LRP1B: variants seen among roughly 807,000 people sequenced by gnomAD.
LRP1B encodes LDL receptor related protein 1B.
LRP1B carries 217 observed loss-of-function variants against 556.6 expected under a neutral mutation model. The observed-to-expected ratio is 0.39, with a 90% confidence interval of 0.35 to 0.44. The LOEUF (loss-of-function observed/expected upper bound fraction) is 0.44, where lower values mean the gene tolerates loss of function less well. Among genes scored for constraint, LRP1B ranks in the 20% least tolerant of loss-of-function variants. LRP1B has a pLI of 1.00. For missense variants in LRP1B, 5,053 were observed against 5,620.8 expected (o/e 0.90, Z 3.23); for synonymous variants, 2,047 against 1,865.8 (o/e 1.10, Z -2.50).
rs536731910 is a variant in LRP1B at position 140,668,735 on chromosome 2, A to G, written c.6799+31515T>C. Among the ~76,000 whole-genome samples, 5 of 152,204 alleles carry G rather than the reference A, an allele frequency of 3.3e-5. No homozygotes were observed. In the East Asian group the frequency reaches 9.7e-4, roughly 29 times the overall value. Reference sequence around the variant, plus strand: ...GCTGTAAAATATTTATCAAGCCACTAGATGTTTTAGAAATAAAGTTCAAGT... The same window carrying G: ...GCTGTAAAATATTTATCAAGCCACTGGATGTTTTAGAAATAAAGTTCAAGT... On this transcript the variant is annotated intron_variant, in intron 41 of 90. Coordinates refer to ENST00000389484, the MANE Select transcript of LRP1B (RefSeq NM_018557.3).
intron 2 of LRP1B, among the ~76,000 whole-genome samples, chr2:141,774,048 C>A (rs1311641302): frequency 4.6e-5 from 7 of 152,198 alleles, no homozygotes; most frequent in Non-Finnish European, 1.0e-4. Context: ...TTTTATCATG[C>A]ATCTCTTTTT....
intron 2 of LRP1B, among the ~76,000 whole-genome samples, chr2:141,552,963 G>T (rs955394965): frequency 6.6e-6 from 1 of 151,932 alleles, no homozygotes; most frequent in Non-Finnish European, 1.5e-5. Flanking sequence ...ACCAGAGTAA[G>T]TTAAGTATGT....
chr2:140,401,381 TCCTGCTG>T (rs962368963), intron 66 of LRP1B, among the ~76,000 whole-genome samples: 2 of 152,160 alleles, frequency 1.3e-5, no homozygotes, highest in African/African-American at 4.8e-5. Flanking sequence ...GGGTGAGGCT[TCCTGCTG>T]CCTGCTATTC....
intron 1 of LRP1B, among the ~76,000 whole-genome samples, chr2:142,052,903 T>A (rs17824199): frequency 2.0e-5 from 3 of 152,066 alleles, no homozygotes; most frequent in Non-Finnish European, 4.4e-5. Flanking sequence ...TATAAACACA[T>A]AAGTAATTAT....
At position 140,700,592 on chromosome 2, in the gene LRP1B, C is replaced by T. The variant is rs945571103; in HGVS notation, c.6457G>A (p.Gly2153Ser). The T allele has an allele frequency of 1.9e-6, 3 of 1,613,502 alleles. No homozygotes were observed. Among genetic ancestry groups the T allele is most frequent in the South Asian group, 1.1e-5 (1 of 91,076 alleles). The change falls in exon 41 of 91, where the codon GGC becomes AGC. Residue 2153 changes from glycine (G) to serine (S), a missense_variant. Physicochemically the swap from Gly to Ser is moderately conservative, Grantham distance 56. This residue lies in a region of LRP1B where 3,619 missense variants were observed against 3,931.9 expected (regional missense o/e 0.92). Transcript: ENST00000389484. Reference sequence around the variant, plus strand: ...CGATAAAGACAGAGTTGCTTACAGCCACCATTGTCCCTGGCACAAACATTG... The same window carrying T: ...CGATAAAGACAGAGTTGCTTACAGCTACCATTGTCCCTGGCACAAACATTG... ...GTNVCARDNGGCKQLCLYRGN... is the reference protein window; with the variant it reads ...GTNVCARDNGSCKQLCLYRGN...
At chr2:141,404,165 G>C (rs1690543886) in intron 3 of LRP1B, among the ~76,000 whole-genome samples, 1 of 152,088 alleles carries the variant, frequency 6.6e-6, no homozygotes, top group Non-Finnish European at 1.5e-5. Context: ...ACATATAGAT[G>C]ATTCATTATT....
At chr2:140,445,815 A>T (rs1686633371) in intron 63 of LRP1B, among the ~76,000 whole-genome samples, 2 of 152,144 alleles carry the variant, frequency 1.3e-5, no homozygotes, top group African/African-American at 4.8e-5. Context: ...CAGACTCTGA[A>T]TTAAATCTAC....
At chr2:141,269,225 T>C (rs1158520960) in intron 3 of LRP1B, among the ~76,000 whole-genome samples, 1 of 152,106 alleles carries the variant, frequency 6.6e-6, no homozygotes, top group Non-Finnish European at 1.5e-5. Flanking sequence ...ACAAAGATGG[T>C]AGCTTCACAG....
rs114054028 is a variant in LRP1B at position 140,400,289 on chromosome 2, G to A, written c.10415-14280C>T. Among the ~76,000 whole-genome samples the A allele has an allele frequency of 2.5e-3, 376 of 152,206 alleles. 1 individual carries two copies. Among genetic ancestry groups the A allele is most frequent in the African/African-American group, 8.5e-3 (355 of 41,540 alleles). ...TCTTCCAGAGCAGCCCTAAACCAAC[G>A]ACTGACAGTAGCTGATGAATACGTA... On this transcript the variant is annotated intron_variant, in intron 66 of 90. Coordinates refer to ENST00000389484, the MANE Select transcript of LRP1B (RefSeq NM_018557.3).
chr2:141,323,516 A>G (rs1349275107), intron 3 of LRP1B, among the ~76,000 whole-genome samples: 3 of 152,048 alleles, frequency 2.0e-5, no homozygotes, highest in African/African-American at 7.2e-5. Flanking sequence ...TTTCATTTAA[A>G]TGCTCCCTAA....
At chr2:141,184,994 C>A (rs1574166330) in intron 7 of LRP1B, among the ~76,000 whole-genome samples, 1 of 151,916 alleles carries the variant, frequency 6.6e-6, no homozygotes, top group Non-Finnish European at 1.5e-5. Context: ...AGAAAAAGGT[C>A]ATCTTTGATG....
At chr2:141,480,298 T>C (rs2105089275) in intron 3 of LRP1B, 98 bp downstream of exon 3, 3 of 1,251,020 alleles carry the variant, frequency 2.4e-6, no homozygotes, top group Non-Finnish European at 3.4e-6. Flanking sequence ...CTGATATGCT[T>C]GTAGTTGAAA....
chr2:140,276,453 G>A (rs940114073), intron 84 of LRP1B, among the ~76,000 whole-genome samples: 1 of 151,882 alleles, frequency 6.6e-6, no homozygotes, highest in Non-Finnish European at 1.5e-5. Context: ...CATAGTGTTA[G>A]TAGCCATACA....
chr2:140,450,822 C>T (rs1323434096), intron 62 of LRP1B, among the ~76,000 whole-genome samples, 161 bp from the exon 63 acceptor site: 2 of 152,096 alleles, frequency 1.3e-5, no homozygotes, highest in African/African-American at 4.8e-5. Flanking sequence ...CACAAAAAGC[C>T]ACAACGTGAT....
chr2:140,285,917 T>C (rs1164383585), intron 84 of LRP1B, among the ~76,000 whole-genome samples: 2 of 151,806 alleles, frequency 1.3e-5, no homozygotes, highest in East Asian at 3.9e-4. Flanking sequence ...AAGTAATGTG[T>C]TTTTGCTTTT....
intron 2 of LRP1B, among the ~76,000 whole-genome samples, chr2:141,609,490 GATA>G (rs1187454728): frequency 2.6e-5 from 4 of 152,168 alleles, no homozygotes; most frequent in Non-Finnish European, 5.9e-5. Flanking sequence ...CATCAGCAAA[GATA>G]ATAAGTCAAT....
chr2:141,662,057 G>A (rs1396409777), intron 2 of LRP1B, among the ~76,000 whole-genome samples: 4 of 152,056 alleles, frequency 2.6e-5, no homozygotes, highest in Admixed American at 2.6e-4. Context: ...ATTTCCAATC[G>A]AGAAATTCAT....
In LRP1B at chr2:141,714,172, T is replaced by C. The variant is rs1692479694; in HGVS notation, c.205+96107A>G. ...AAGTAGACTGAAAGCAGCTCACTCT[T>C]TAATATGAAAAACTTCAAGTATGTG... On this transcript the variant is annotated intron_variant, in intron 2 of 90. Coordinates refer to ENST00000389484, the MANE Select transcript of LRP1B (RefSeq NM_018557.3). 2.0e-5 allele frequency among the ~76,000 whole-genome samples: 3 copies of C among 152,154 alleles called. No individual in the cohort carries two copies. In the South Asian group the frequency reaches 6.2e-4, roughly 31 times the overall value.
chr2:141,765,819 G>T (rs1319977552), intron 2 of LRP1B, among the ~76,000 whole-genome samples: 1 of 152,108 alleles, frequency 6.6e-6, no homozygotes, highest in African/African-American at 2.4e-5. Flanking sequence ...CTCAGCAATA[G>T]CATCTCCTCA....
Sources: allele counts gnomAD v4.1 joint callset (sites outside exome capture counted in the v4.1 genomes callset), GRCh38; gene constraint gnomAD v4.1.1; regional missense constraint gnomAD v4.1.1; transcripts MANE v1.5; gene names NCBI Gene and HGNC (gene_info 2026-07-23, HGNC 2026-07-21).